Variants in NCBP1 observed in about 807,000 individuals in gnomAD.
NCBP1 encodes nuclear cap-binding protein subunit 1.
Under a neutral mutation model 111.7 loss-of-function variants are expected in NCBP1, and 16 were observed. That is an observed-to-expected ratio of 0.14 (90% confidence interval 0.10 to 0.22). The LOEUF is 0.22. NCBP1 is among the 10% of genes least tolerant of loss of function. NCBP1 has a pLI of 1.00. For synonymous variants in NCBP1, 304 were observed against 314.3 expected (o/e 0.97, Z 0.35); for missense variants, 607 against 957.5 (o/e 0.63, Z 4.83).
At chr9:97,655,628 G>A in intron 12 of NCBP1, 74 bp from the exon 13 acceptor site, 4 of 1,234,914 alleles carry the variant, frequency 3.2e-6, no homozygotes, top group Non-Finnish European at 4.6e-6. Context: ...CTGTTTGAAG[G>A]CTTATATAAG....
intron 1 of NCBP1, among the ~76,000 whole-genome samples, chr9:97,636,512 TAA>T (rs1397828288): frequency 4.8e-4 from 70 of 144,696 alleles, no homozygotes; most frequent in African/African-American, 1.4e-3. Context: ...TTATATATTA[TAA>T]ATTTATATTT....
chr9:97,660,981 G>A lies in NCBP1; in HGVS notation c.1513G>A (p.Ala505Thr), dbSNP rs1587720534. Residue 505 changes from alanine to threonine, a missense_variant, in exon 16 of 23, where the codon GCT becomes ACT. This residue lies in a region of NCBP1 where 282 missense variants were observed against 376.5 expected (regional missense o/e 0.75). Coordinates refer to ENST00000375147, the MANE Select transcript of NCBP1 (RefSeq NM_002486.5). The stretch of plus-strand genomic sequence containing the variant: ...TGGACATTCTGTTGCCCTCTGTTTA[G>A]CTGTTGCCTTTAAAAGTAAGGCAAC... Reference protein sequence around the residue: ...LPGHSVALCLAVAFKSKATND... With the variant: ...LPGHSVALCLTVAFKSKATND... 3 of 1,612,304 alleles carry A rather than the reference G, an allele frequency of 1.9e-6. No individual in the cohort carries two copies. Among genetic ancestry groups the A allele is most frequent in the Non-Finnish European group, 2.5e-6 (3 of 1,179,604 alleles).
chr9:97,658,718 T>A lies in NCBP1; in HGVS notation c.1452T>A (p.Ile484=), dbSNP rs1827743588. 1.2e-6 allele frequency: 2 copies of A among 1,610,758 alleles called. No homozygotes were observed. Among genetic ancestry groups the A allele is most frequent in the Non-Finnish European group, 1.7e-6 (2 of 1,177,076 alleles). ...SALCPANPTC[I]YKYGDESSNS... The stretch of plus-strand genomic sequence containing the variant: ...TGTGTCCTGCAAACCCAACCTGCAT[T>A]TACAAGTATGGAGATGAAAGTAGCA... Residue 484 remains isoleucine, a synonymous_variant, in exon 15 of 23, where the codon ATT becomes ATA. Coordinates refer to ENST00000375147, the MANE Select transcript of NCBP1 (RefSeq NM_002486.5).
chr9:97,635,094 C>T (rs1453001005), intron 1 of NCBP1, among the ~76,000 whole-genome samples: 1 of 152,126 alleles, frequency 6.6e-6, no homozygotes, highest in Non-Finnish European at 1.5e-5. Context: ...TTTGTCTCTC[C>T]TTGAGTGTTG....
intron 14 of NCBP1, 66 bp downstream of exon 14, chr9:97,656,151 T>C (rs533793404): frequency 2.4e-6 from 3 of 1,256,932 alleles, no homozygotes; most frequent in Admixed American, 3.6e-5. Flanking sequence ...TCTGCACTTG[T>C]GATGTGTGTT....
In NCBP1 at chr9:97,661,075, G is replaced by A; in HGVS notation, c.1600+7G>A. 1 of 1,611,162 alleles carries A rather than the reference G, an allele frequency of 6.2e-7. No individual in the cohort carries two copies. On this transcript the variant is annotated splice_region_variant and intron_variant, in intron 16 of 22. Transcript: ENST00000375147. ...AACCAGGATGATGACGACGGTAAGT[G>A]GAATTCAGTATTTCTTAAGTGGAAC...
At chr9:97,654,440 T>C (rs369299559) in intron 11 of NCBP1, among the ~76,000 whole-genome samples, 2 of 152,044 alleles carry the variant, frequency 1.3e-5, no homozygotes, top group South Asian at 4.1e-4. Flanking sequence ...CAATTAATAA[T>C]GGAAAAGCTT....
Position 97,633,855 on chromosome 9 carries a change from C to T in NCBP1, c.-27C>T, listed in dbSNP as rs1033411146. The T allele has an allele frequency of 1.3e-6, 2 of 1,576,028 alleles. No individual in the cohort carries two copies. The highest frequency in any genetic ancestry group is 1.7e-4 in the Middle Eastern group (1 of 5,888). On this transcript the variant is annotated 5_prime_UTR_variant, in exon 1 of 23. Transcript: ENST00000375147. ...CTGCAGCGCTTACCGCCTGGCCTCT[C>T]GGTTCCGCGGCGCACCGGAGGGCAG...
At chr9:97,658,578 G>T in intron 14 of NCBP1, 62 bp from the exon 15 acceptor site, 1 of 1,241,546 alleles carries the variant, frequency 8.1e-7, no homozygotes, top group East Asian at 2.3e-5. Context: ...CAGGTAAGTC[G>T]GGTGTTACCG....
In NCBP1 at chr9:97,653,800, G is replaced by C. The variant is rs763242316; in HGVS notation, c.1062G>C (p.Val354=). The C allele has an allele frequency of 6.2e-7, 1 of 1,611,870 alleles. No individual in the cohort carries two copies. Among genetic ancestry groups the C allele is most frequent in the East Asian group, 2.2e-5 (1 of 44,824 alleles). ...KIPLNYHIVE[V]IFAELFQLPA... ...TGTGACTCATGATTCTTTTGTAGGT[G>C]ATCTTTGCAGAGCTGTTTCAACTTC... Residue 354 remains valine, a splice_region_variant and synonymous_variant, in exon 11 of 23, where the codon GTG becomes GTC. Coordinates refer to ENST00000375147, the MANE Select transcript of NCBP1 (RefSeq NM_002486.5).
At chr9:97,634,056 G>T in intron 1 of NCBP1, 141 bp downstream of exon 1, 2 of 1,099,240 alleles carry the variant, frequency 1.8e-6, no homozygotes, top group Non-Finnish European at 2.5e-6. Flanking sequence ...GGAGAATATG[G>T]TGGCGGTGTG....
Position 97,669,569 on chromosome 9 carries a change from CCTTAA to C in NCBP1, c.2146-20_2146-16del, listed in dbSNP as rs1261170132. ...GTATAAGATTCTGTCTGTAGTACTACCTTAACTTCTTCTCCCTTTCCAGCGGTTTA... is the reference window on the plus strand; with the variant it reads ...GTATAAGATTCTGTCTGTAGTACTACCTTCTTCTCCCTTTCCAGCGGTTTA... On this transcript the variant is annotated intron_variant, in intron 21 of 22. Transcript: ENST00000375147. The C allele has an allele frequency of 6.6e-7, 1 of 1,513,570 alleles. No individual in the cohort carries two copies. The highest frequency in any genetic ancestry group is 9.2e-7 in the Non-Finnish European group (1 of 1,088,752). The allele number at this position is 1,513,570 out of a possible 1,614,324, so 93.8% of individuals were successfully genotyped here. A position where few individuals can be genotyped will look rare whatever the true frequency, so the allele number is the denominator to read the frequency against.
intron 5 of NCBP1, 93 bp downstream of exon 5, chr9:97,645,317 A>G (rs1827305251): frequency 1.0e-6 from 1 of 1,003,014 alleles, no homozygotes; most frequent in African/African-American, 1.6e-5. Context: ...TTTCGCTGAT[A>G]ACCCATTAGC....
chr9:97,635,590 T>G (rs1355823745), intron 1 of NCBP1, among the ~76,000 whole-genome samples: 2 of 151,954 alleles, frequency 1.3e-5, no homozygotes, highest in African/African-American at 4.8e-5. Context: ...TTTTTTTTGT[T>G]TTTGTATTTT....
chr9:97,645,156 G>T lies in NCBP1; in HGVS notation c.421G>T (p.Ala141Ser), dbSNP rs1244513780. Residue 141 changes from alanine to serine, a missense_variant, in exon 5 of 23, where the codon GCC becomes TCC. Physicochemically the swap from Ala to Ser is moderately conservative, Grantham distance 99. Coordinates refer to ENST00000375147, the MANE Select transcript of NCBP1 (RefSeq NM_002486.5). The part of the protein sequence containing the change: ...LSDLVNCHVI[A>S]APSMVAMFEN... ...TGATCTTGTGAATTGTCATGTGATT[G>T]CCGCCCCATCAATGGTTGCTATGTT... is the stretch of plus-strand genomic sequence containing the variant. 3.8e-5 allele frequency: 62 copies of T among 1,613,240 alleles called. No individual in the cohort carries two copies. The highest frequency in any genetic ancestry group is 5.3e-5 in the Non-Finnish European group (62 of 1,179,494).
At chr9:97,640,107 G>T (rs562363673) in intron 1 of NCBP1, among the ~76,000 whole-genome samples, 1 of 152,002 alleles carries the variant, frequency 6.6e-6, no homozygotes, top group East Asian at 1.9e-4. Context: ...ACTGACTGTC[G>T]TTCCCATTAT....
intron 18 of NCBP1, among the ~76,000 whole-genome samples, chr9:97,663,591 T>C (rs200280600): frequency 6.6e-6 from 1 of 151,880 alleles, no homozygotes; most frequent in East Asian, 2.0e-4. Context: ...TTCAAGTGAT[T>C]CCCCTGCCTC....
intron 1 of NCBP1, among the ~76,000 whole-genome samples, chr9:97,638,026 T>C (rs927201054): frequency 3.3e-5 from 5 of 152,240 alleles, no homozygotes; most frequent in African/African-American, 1.2e-4. Context: ...ATAAAAAATC[T>C]GTTCTTGCCT....
chr9:97,642,686 T>G (rs1827234947), intron 3 of NCBP1, among the ~76,000 whole-genome samples: 1 of 152,130 alleles, frequency 6.6e-6, no homozygotes, highest in African/African-American at 2.4e-5. Context: ...GGAACTTAGA[T>G]GAAACTCGTT....
Sources: allele counts gnomAD v4.1 joint callset (sites outside exome capture counted in the v4.1 genomes callset), GRCh38; gene constraint gnomAD v4.1.1; regional missense constraint gnomAD v4.1.1; transcripts MANE v1.5; gene names NCBI Gene and HGNC (gene_info 2026-07-23, HGNC 2026-07-21).